Variants in ZNF235 observed in about 807,000 individuals in gnomAD.
ZNF235 encodes zinc finger protein 235.
ZNF235 carries 25 observed loss-of-function variants against 29.4 expected under a neutral mutation model. The observed-to-expected ratio is 0.85, with a 90% CI of 0.62 to 1.19. The LOEUF is 1.19. ZNF235 is among the 50% of genes most tolerant of loss of function. The pLI is 0.00. For missense variants in ZNF235, 788 were observed against 885.0 expected (o/e 0.89, Z 1.39); for synonymous variants, 300 against 295.3 (o/e 1.02, Z -0.16).
At chr19:44,302,484 T>C (rs1458935451) in intron 2 of ZNF235, among the ~76,000 whole-genome samples, 1 of 149,700 alleles carries the variant, frequency 6.7e-6, no homozygotes, top group Non-Finnish European at 1.5e-5. Flanking sequence ...ATATTTGTAA[T>C]GTGAGAGTTG....
At chr19:44,292,689 GA>G (rs1249649437) in intron 4 of ZNF235, among the ~76,000 whole-genome samples, 1 of 151,746 alleles carries the variant, frequency 6.6e-6, no homozygotes, top group African/African-American at 2.4e-5. Flanking sequence ...AATAATTGAG[GA>G]AAACTTCCTT....
At position 44,288,285 on chromosome 19, in the gene ZNF235, A is replaced by T; in HGVS notation, c.1150T>A (p.Phe384Ile). ...ATGTTAAGATCTGTGCTACGACTGA[A>T]GCCCTTCCCACAACTGTCACATCTA... Reference protein sequence around the residue: ...PYRCDSCGKGFSRSTDLNIHC... With the variant: ...PYRCDSCGKGISRSTDLNIHC... Residue 384 changes from phenylalanine to isoleucine, a missense_variant, in exon 5 of 5, where the codon TTC becomes ATC. Physicochemically the swap from Phe to Ile is conservative, Grantham distance 21. Coordinates refer to ENST00000291182, the MANE Select transcript of ZNF235 (RefSeq NM_004234.4). The T allele has an allele frequency of 6.2e-7, 1 of 1,614,116 alleles. No homozygotes were observed. The highest frequency in any genetic ancestry group is 8.5e-7 in the Non-Finnish European group (1 of 1,180,030).
intron 3 of ZNF235, 69 bp from the exon 4 acceptor site, chr19:44,298,972 A>G (rs1242035832): frequency 7.6e-6 from 9 of 1,180,814 alleles, no homozygotes; most frequent in Non-Finnish European, 9.9e-6. Flanking sequence ...GGTTCCAATC[A>G]CATGATGTAA....
chr19:44,304,793 A>AG, intron 1 of ZNF235, 178 bp downstream of exon 1: 3 of 985,450 alleles, frequency 3.0e-6, no homozygotes, highest in Non-Finnish European at 3.6e-6. Context: ...GGACGACGCG[A>AG]GCCCGCCTCC....
intron 4 of ZNF235, chr19:44,289,792 T>C (rs1975561616): frequency 6.6e-6 from 1 of 152,238 alleles, no homozygotes; most frequent in Non-Finnish European, 1.5e-5. Flanking sequence ...AGCAACTGAA[T>C]CGTAAGTAGC....
rs765611478 is a variant in ZNF235, at chr19:44,288,311, T to C, written c.1124A>G (p.Tyr375Cys). 1 of 1,614,098 alleles carries C rather than the reference T, an allele frequency of 6.2e-7. No homozygotes were observed. Among genetic ancestry groups the C allele is most frequent in the Non-Finnish European group, 8.5e-7 (1 of 1,180,004 alleles). Reference protein sequence around the residue: ...HLPIHTGEKPYRCDSCGKGFS... With the variant: ...HLPIHTGEKPCRCDSCGKGFS... ...GCCCTTCCCACAACTGTCACATCTA[T>C]AGGGCTTCTCTCCTGTGTGAATAGG... Residue 375 changes from tyrosine (Y) to cysteine (C), a missense_variant, in exon 5 of 5, where the codon TAT (tyrosine) becomes TGT (cysteine). Tyr to Cys is a radical substitution (Grantham distance 194). Coordinates refer to ENST00000291182, the MANE Select transcript of ZNF235 (RefSeq NM_004234.4).
rs556721562 is a variant in ZNF235, at chr19:44,295,236, A to G, written c.238+3572T>C. Among the ~76,000 whole-genome samples the G allele has an allele frequency of 3.9e-4, 60 of 152,310 alleles. No homozygotes were observed. In the Middle Eastern group the frequency reaches 0.014, roughly 35 times the overall value. On this transcript the variant is annotated intron_variant, in intron 4 of 4. Coordinates refer to ENST00000291182, the MANE Select transcript of ZNF235 (RefSeq NM_004234.4). The stretch of plus-strand genomic sequence containing the variant: ...CCTAGATTTGACAAATGACTTCAAT[A>G]AAGTTTCAGGATTAAAAAAAATCAA...
At chr19:44,302,903 TA>T (rs1975759838) in intron 2 of ZNF235, among the ~76,000 whole-genome samples, 4 of 104,634 alleles carry the variant, frequency 3.8e-5, no homozygotes, top group Admixed American at 3.4e-4. Flanking sequence ...TATTTGTATA[TA>T]AATATATACG....
chr19:44,298,255 A>T (rs1464598410), intron 4 of ZNF235, among the ~76,000 whole-genome samples: 1 of 152,186 alleles, frequency 6.6e-6, no homozygotes, highest in Non-Finnish European at 1.5e-5. Flanking sequence ...GGAGGGGGAA[A>T]AACAGAATGG....
chr19:44,299,775 G>A (rs1975708707), intron 2 of ZNF235, 43 bp from the exon 3 acceptor site: 1 of 1,612,424 alleles, frequency 6.2e-7, no homozygotes, highest in Non-Finnish European at 8.5e-7. Flanking sequence ...ACACCCAATG[G>A]CCACTGGCAC....
Position 44,299,640 on chromosome 19 carries a change from C to T in ZNF235, c.108G>A (p.Val36=), listed in dbSNP as rs946048098. The T allele has an allele frequency of 6.2e-7, 1 of 1,614,160 alleles. No homozygotes were observed. Among genetic ancestry groups the T allele is most frequent in the Non-Finnish European group, 8.5e-7 (1 of 1,180,018 alleles). The change falls in exon 3 of 5, where the codon GTG becomes GTA. Residue 36 remains valine (V), a synonymous_variant. Coordinates refer to ENST00000291182, the MANE Select transcript of ZNF235 (RefSeq NM_004234.4). ...CCAGGTTCCTAAAGTTCTCCAGCAT[C>T]ACATCTCGGTACAGCTTCCTCTGGG... is the stretch of plus-strand genomic sequence containing the variant. ...DSAQRKLYRD[V]MLENFRNLVS...
intron 4 of ZNF235, among the ~76,000 whole-genome samples, chr19:44,296,284 CAG>C (rs1975653683): frequency 6.6e-6 from 1 of 152,104 alleles, no homozygotes; most frequent in East Asian, 1.9e-4. Flanking sequence ...TATGGATATA[CAG>C]AGTCTATGGC....
Position 44,288,590 on chromosome 19 carries a change from T to G in ZNF235, c.845A>C (p.Lys282Thr), listed in dbSNP as rs141162579. 13 of 1,614,050 alleles carry G rather than the reference T, an allele frequency of 8.1e-6. No individual in the cohort carries two copies. In the African/African-American group the frequency reaches 1.7e-4, roughly 22 times the overall value. Residue 282 changes from lysine (K) to threonine (T), a missense_variant, in exon 5 of 5, where the codon AAA becomes ACA. Coordinates refer to ENST00000291182, the MANE Select transcript of ZNF235 (RefSeq NM_004234.4). Reference protein sequence around the residue: ...FNDSSSLELHKQVHLGKKSPA... With the variant: ...FNDSSSLELHTQVHLGKKSPA... ...AGACTTCTTTCCCAAGTGTACCTGT[T>G]TATGAAGTTCAAGACTGGAGCTATC...
chr19:44,292,615 C>A (rs1193225839), intron 4 of ZNF235, among the ~76,000 whole-genome samples: 1 of 151,622 alleles, frequency 6.6e-6, no homozygotes, highest in African/African-American at 2.4e-5. Flanking sequence ...GCAACCAAAC[C>A]TATGAATCAT....
In ZNF235 at chr19:44,288,225, T is replaced by C. The variant is rs758597739; in HGVS notation, c.1210A>G (p.Lys404Glu). 4 of 1,614,030 alleles carry C rather than the reference T, an allele frequency of 2.5e-6. No individual in the cohort carries two copies. The highest frequency in any genetic ancestry group is 3.4e-6 in the Non-Finnish European group (4 of 1,180,032). The change falls in exon 5 of 5, where the codon AAA becomes GAA. Residue 404 changes from lysine (K) to glutamate (E), a missense_variant. Transcript: ENST00000291182. ...AAGCCCTTCCCACACACCTCACATT[T>C]ATAAGGTTTCTCTCCAGTGTGAACT... is the stretch of plus-strand genomic sequence containing the variant. ...CRVHTGEKPYKCEVCGKGFTQ... is the reference protein window; with the variant it reads ...CRVHTGEKPYECEVCGKGFTQ...
At chr19:44,293,348 T>C (rs1317963533) in intron 4 of ZNF235, among the ~76,000 whole-genome samples, 2 of 152,054 alleles carry the variant, frequency 1.3e-5, no homozygotes, top group African/African-American at 4.8e-5. Flanking sequence ...AGTCATTACA[T>C]AATGATAAAG....
intron 2 of ZNF235, among the ~76,000 whole-genome samples, chr19:44,303,024 A>AT (rs1335127456): frequency 4.7e-4 from 65 of 139,026 alleles, no homozygotes; most frequent in African/African-American, 1.5e-3. Flanking sequence ...ATTTATATAA[A>AT]ATATACGTAT....
Position 44,288,281 on chromosome 19 carries a change from C to G in ZNF235, c.1154G>C (p.Ser385Thr), listed in dbSNP as rs746678482. The G allele has an allele frequency of 3.7e-6, 6 of 1,614,036 alleles. No homozygotes were observed. Among genetic ancestry groups the G allele is most frequent in the Admixed American group, 1.7e-5 (1 of 60,002 alleles). The change falls in exon 5 of 5, where the codon AGT becomes ACT. Residue 385 changes from serine (S) to threonine (T), a missense_variant. Ser to Thr is a moderately conservative substitution (Grantham distance 58). Coordinates refer to ENST00000291182, the MANE Select transcript of ZNF235 (RefSeq NM_004234.4). ...YRCDSCGKGFSRSTDLNIHCR... is the reference protein window; with the variant it reads ...YRCDSCGKGFTRSTDLNIHCR... ...ATGAATGTTAAGATCTGTGCTACGA[C>G]TGAAGCCCTTCCCACAACTGTCACA... is the stretch of plus-strand genomic sequence containing the variant.
At chr19:44,300,520 T>C (rs1257581374) in intron 2 of ZNF235, among the ~76,000 whole-genome samples, 1 of 152,128 alleles carries the variant, frequency 6.6e-6, no homozygotes, top group Non-Finnish European at 1.5e-5. Flanking sequence ...ACATAGATCT[T>C]AGCCAGCTCG....
Sources: allele counts gnomAD v4.1 joint callset (sites outside exome capture counted in the v4.1 genomes callset), GRCh38; gene constraint gnomAD v4.1.1; transcripts MANE v1.5; gene names NCBI Gene and HGNC (gene_info 2026-07-23, HGNC 2026-07-21).